Variants in TNFRSF21 observed in about 807,000 individuals in gnomAD.
TNFRSF21 encodes the protein TNF receptor superfamily member 21.
TNFRSF21 carries 19 observed loss-of-function variants against 45.6 expected under a neutral mutation model. That is an observed-to-expected ratio of 0.42 (90% CI 0.29 to 0.61). The LOEUF is 0.61. TNFRSF21 is among the 20% of genes least tolerant of loss of function. The pLI is 0.23. For missense variants in TNFRSF21, 737 were observed against 851.5 expected (o/e 0.87, Z 1.67); for synonymous variants, 314 against 335.5 (o/e 0.94, Z 0.70).
chr6:47,298,153 G>C (rs1762815401), intron 1 of TNFRSF21, among the ~76,000 whole-genome samples: 1 of 152,038 alleles, frequency 6.6e-6, no homozygotes, highest in Non-Finnish European at 1.5e-5. Flanking sequence ...CCCTGATCTA[G>C]TCCCATGAGA....
intron 4 of TNFRSF21, among the ~76,000 whole-genome samples, chr6:47,247,097 T>G (rs1005032065): frequency 6.6e-6 from 1 of 152,218 alleles, no homozygotes; most frequent in African/African-American, 2.4e-5. Context: ...TGAATGAAAC[T>G]TTGGACTATG....
Position 47,284,379 on chromosome 6 carries a change from T to C in TNFRSF21, c.802A>G (p.Ser268Gly), listed in dbSNP as rs1369086353. 6.5e-7 allele frequency: 1 copy of C among 1,541,048 alleles called. No individual in the cohort carries two copies. Among genetic ancestry groups the C allele is most frequent in the South Asian group, 1.3e-5 (1 of 77,262 alleles). Residue 268 changes from serine (S) to glycine (G), a missense_variant, in exon 3 of 6, where the codon AGT becomes GGT. By Grantham distance (56) the Ser-to-Gly change is moderately conservative (BLOSUM62 0). Transcript: ENST00000296861. The stretch of plus-strand genomic sequence containing the variant: ...GGGACTGTCCCTTCCTGGATGCTAC[T>C]CAGTACCTTTGGTCTAACAGAGGCA... ...SSASVRPKVLSSIQEGTVPDN... is the reference protein window; with the variant it reads ...SSASVRPKVLGSIQEGTVPDN...
chr6:47,265,518 C>T (rs1301732823), intron 3 of TNFRSF21, among the ~76,000 whole-genome samples: 6 of 152,134 alleles, frequency 3.9e-5, no homozygotes. Flanking sequence ...GACTTTAAAA[C>T]CTGGCACTGC....
At chr6:47,281,744 T>G (rs149889372) in intron 3 of TNFRSF21, among the ~76,000 whole-genome samples, 2 of 152,138 alleles carry the variant, frequency 1.3e-5, no homozygotes, top group Non-Finnish European at 2.9e-5. Context: ...ATGTTAATAA[T>G]AGATAAATGT....
At chr6:47,275,558 A>G (rs1762485799) in intron 3 of TNFRSF21, among the ~76,000 whole-genome samples, 1 of 152,198 alleles carries the variant, frequency 6.6e-6, no homozygotes, top group African/African-American at 2.4e-5. Flanking sequence ...AATGTAAATG[A>G]TGAGTTGATA....
chr6:47,261,645 G>T (rs74549947), intron 3 of TNFRSF21, among the ~76,000 whole-genome samples: 3,573 of 152,298 alleles, frequency 0.023, 156 homozygotes, highest in African/African-American at 0.082. Flanking sequence ...TTGTACAAGG[G>T]CCTCTCCCTC....
intron 4 of TNFRSF21, among the ~76,000 whole-genome samples, chr6:47,243,645 T>C (rs1218042190): frequency 1.3e-5 from 2 of 152,172 alleles, no homozygotes; most frequent in Non-Finnish European, 2.9e-5. Flanking sequence ...CTCAAACTCC[T>C]AACTTCAAGT....
intron 1 of TNFRSF21, among the ~76,000 whole-genome samples, chr6:47,292,112 C>T (rs1762736860): frequency 6.6e-6 from 1 of 152,062 alleles, no homozygotes; most frequent in Non-Finnish European, 1.5e-5. Context: ...AGGTGGACCC[C>T]ATTCAAAAGT....
At chr6:47,239,400 CTGGTGGAGGT>C (rs1283219878) in intron 4 of TNFRSF21, among the ~76,000 whole-genome samples, 6 of 151,742 alleles carry the variant, frequency 4.0e-5, no homozygotes, top group Admixed American at 2.6e-4. Flanking sequence ...AGATGACACA[CTGGTGGAGGT>C]TGCAGTATTC....
chr6:47,309,155 G>T lies in TNFRSF21; in HGVS notation c.96+261C>A, dbSNP rs186514831. On this transcript the variant is annotated intron_variant, in intron 1 of 5. Coordinates refer to ENST00000296861, the MANE Select transcript of TNFRSF21 (RefSeq NM_014452.5). ...CAGAAGCTGGGCGGCTACCTCTAGCGTCTCCTCCAGCAAAGCCAGACTGCA... is the reference window on the plus strand; with the variant it reads ...CAGAAGCTGGGCGGCTACCTCTAGCTTCTCCTCCAGCAAAGCCAGACTGCA... Among the ~76,000 whole-genome samples, 872 of 152,260 alleles carry T rather than the reference G, an allele frequency of 5.7e-3. 11 individuals are homozygous for T. The highest frequency in any genetic ancestry group is 7.1e-3 in the Non-Finnish European group (482 of 67,988).
chr6:47,297,176 G>C (rs1762800204), intron 1 of TNFRSF21, among the ~76,000 whole-genome samples: 1 of 152,176 alleles, frequency 6.6e-6, no homozygotes, highest in Non-Finnish European at 1.5e-5. Context: ...GTGTTGTGTT[G>C]AGCCTTGTGT....
intron 1 of TNFRSF21, among the ~76,000 whole-genome samples, chr6:47,287,826 G>A (rs377240019): frequency 0.01 from 1,523 of 151,310 alleles, 27 homozygotes; most frequent in African/African-American, 0.035. Context: ...TTAAGGAAAT[G>A]CATATTAAAA....
chr6:47,293,575 C>T (rs1762756066), intron 1 of TNFRSF21, among the ~76,000 whole-genome samples: 2 of 152,204 alleles, frequency 1.3e-5, no homozygotes, highest in Admixed American at 6.5e-5. Flanking sequence ...CTGCACAGGG[C>T]AGTCAAAAGA....
intron 3 of TNFRSF21, among the ~76,000 whole-genome samples, chr6:47,274,355 C>G (rs1266758018): frequency 6.6e-6 from 1 of 152,202 alleles, no homozygotes; most frequent in Non-Finnish European, 1.5e-5. Context: ...ACCACCTGAT[C>G]TTTGACAAAC....
intron 3 of TNFRSF21, among the ~76,000 whole-genome samples, chr6:47,257,321 T>C (rs113031467): frequency 6.6e-6 from 1 of 152,318 alleles, no homozygotes; most frequent in African/African-American, 2.4e-5. Context: ...TCAGGTTTCA[T>C]CTTGTTCTCT....
At chr6:47,285,361 A>G (rs1483319294) in intron 2 of TNFRSF21, among the ~76,000 whole-genome samples, 1 of 152,206 alleles carries the variant, frequency 6.6e-6, no homozygotes, top group Non-Finnish European at 1.5e-5. Flanking sequence ...TGGAAAAAAT[A>G]AAGTTATTAT....
At chr6:47,291,821 C>A (rs1038924501) in intron 1 of TNFRSF21, among the ~76,000 whole-genome samples, 4 of 152,200 alleles carry the variant, frequency 2.6e-5, no homozygotes, top group Non-Finnish European at 5.9e-5. Context: ...AACAGTTAAC[C>A]CAATCTGTGC....
chr6:47,270,610 C>A (rs1762401700), intron 3 of TNFRSF21, among the ~76,000 whole-genome samples: 1 of 152,174 alleles, frequency 6.6e-6, no homozygotes, highest in African/African-American at 2.4e-5. Context: ...ATCTTCTCCT[C>A]CAAAGGATCA....
intron 1 of TNFRSF21, among the ~76,000 whole-genome samples, chr6:47,287,440 TAA>T (rs956138371): frequency 6.1e-5 from 9 of 146,984 alleles, no homozygotes; most frequent in Admixed American, 6.8e-5. Context: ...GGGAGCTAAT[TAA>T]AAAAAAAACT....
Sources: gnomAD v4.1 joint callset for allele counts (sites outside exome capture counted in the v4.1 genomes callset) on GRCh38, gnomAD v4.1.1 for gene constraint, MANE v1.5 for transcripts, NCBI Gene and HGNC (gene_info 2026-07-23, HGNC 2026-07-21) for gene names.